ATP8B4: variants seen among roughly 807,000 people sequenced by gnomAD.
ATP8B4 encodes ATPase phospholipid transporting 8B4 (putative), also known as probable phospholipid-transporting ATPase IM.
Under a neutral mutation model 145.6 loss-of-function variants are expected in ATP8B4, and 133 were observed. The ratio of observed to expected loss-of-function variants is 0.91; its 90% CI spans 0.79 to 1.05. The LOEUF is 1.05. Ranked by LOEUF, ATP8B4 falls within the 50% of genes least tolerant of loss-of-function variation. The pLI, the probability that ATP8B4 is intolerant of heterozygous loss-of-function variation, is 0.00. For synonymous variants in ATP8B4, 507 were observed against 492.9 expected (o/e 1.03, Z -0.38); for missense variants, 1,458 against 1,425.2 (o/e 1.02, Z -0.37).
chr15:50,025,354 T>A (rs1352235505), intron 6 of ATP8B4, among the ~76,000 whole-genome samples: 2 of 152,206 alleles, frequency 1.3e-5, no homozygotes, highest in African/African-American at 4.8e-5. Context: ...CTGCAGGGTC[T>A]GGCCTCTGAT....
At chr15:50,093,386 TA>T (rs1323540388) in intron 2 of ATP8B4, among the ~76,000 whole-genome samples, 1 of 152,056 alleles carries the variant, frequency 6.6e-6, no homozygotes, top group African/African-American at 2.4e-5. Flanking sequence ...AATGATAGCA[TA>T]AAAATTTGAT....
intron 9 of ATP8B4, among the ~76,000 whole-genome samples, chr15:49,994,189 T>C (rs2047241531): frequency 6.6e-6 from 1 of 152,114 alleles, no homozygotes; most frequent in Non-Finnish European, 1.5e-5. Context: ...AGTAAAGACA[T>C]TTAAAAACTA....
chr15:49,960,178 C>T (rs572042521), intron 14 of ATP8B4, among the ~76,000 whole-genome samples: 4 of 152,208 alleles, frequency 2.6e-5, no homozygotes, highest in African/African-American at 9.6e-5. Flanking sequence ...TAGGCACCAC[C>T]ACCACGCTTG....
intron 9 of ATP8B4, among the ~76,000 whole-genome samples, chr15:49,995,000 T>C (rs945650100): frequency 6.6e-6 from 1 of 152,114 alleles, no homozygotes; most frequent in Non-Finnish European, 1.5e-5. Flanking sequence ...TGTGGCTCCA[T>C]GATGGAGAAG....
intron 14 of ATP8B4, among the ~76,000 whole-genome samples, chr15:49,958,750 T>C (rs2043807760): frequency 6.6e-6 from 1 of 151,892 alleles, no homozygotes. Context: ...TCTAAAAAAA[T>C]ATAATTTTCC....
chr15:50,070,751 T>C (rs2053675700), intron 3 of ATP8B4, among the ~76,000 whole-genome samples: 1 of 152,200 alleles, frequency 6.6e-6, no homozygotes, highest in Non-Finnish European at 1.5e-5. Context: ...TTGTTTTGTT[T>C]GTTTTTTGAC....
At chr15:50,175,840 A>G (rs2140878333) in intron 1 of ATP8B4, among the ~76,000 whole-genome samples, 1 of 152,294 alleles carries the variant, frequency 6.6e-6, no homozygotes, top group Admixed American at 6.5e-5. Flanking sequence ...CAGCAATCCC[A>G]CTGCTGGGTA....
intron 6 of ATP8B4, among the ~76,000 whole-genome samples, chr15:50,013,036 A>T (rs931071062): frequency 6.6e-6 from 1 of 152,330 alleles, no homozygotes; most frequent in South Asian, 2.1e-4. Context: ...TAAATAATCT[A>T]TATTTTGAAT....
At chr15:50,003,504 C>T (rs2048067956) in intron 7 of ATP8B4, among the ~76,000 whole-genome samples, 1 of 151,994 alleles carries the variant, frequency 6.6e-6, no homozygotes, top group African/African-American at 2.4e-5. Flanking sequence ...GAAAGTGATG[C>T]CGCTCTTGGG....
At chr15:50,026,783 T>C (rs1456199609) in intron 6 of ATP8B4, among the ~76,000 whole-genome samples, 1 of 151,954 alleles carries the variant, frequency 6.6e-6, no homozygotes, top group East Asian at 1.9e-4. Context: ...CCTTGTGGGG[T>C]AGAAAGACAA....
chr15:50,177,014 C>A (rs1178272908), intron 1 of ATP8B4, among the ~76,000 whole-genome samples: 1 of 152,142 alleles, frequency 6.6e-6, no homozygotes, highest in Non-Finnish European at 1.5e-5. Context: ...TATGCCTATA[C>A]TCAAATGGTA....
intron 1 of ATP8B4, among the ~76,000 whole-genome samples, chr15:50,173,412 T>C (rs2044716619): frequency 6.6e-6 from 1 of 152,022 alleles, no homozygotes; most frequent in South Asian, 2.1e-4. Flanking sequence ...CCGTGCTCTC[T>C]GAAACATGTG....
intron 2 of ATP8B4, among the ~76,000 whole-genome samples, chr15:50,098,377 G>C (rs1015967953): frequency 7.3e-6 from 1 of 136,570 alleles, no homozygotes; most frequent in Non-Finnish European, 1.5e-5. Flanking sequence ...CTGCAACCTT[G>C]ACCTCCTGGG....
intron 1 of ATP8B4, among the ~76,000 whole-genome samples, chr15:50,127,363 C>T (rs2057314390): frequency 6.6e-6 from 1 of 152,210 alleles, no homozygotes; most frequent in Non-Finnish European, 1.5e-5. Flanking sequence ...TTAACTGACC[C>T]ATGTTCAGTT....
At chr15:49,991,415 T>C (rs1310958667) in intron 9 of ATP8B4, among the ~76,000 whole-genome samples, 1 of 152,182 alleles carries the variant, frequency 6.6e-6, no homozygotes, top group Non-Finnish European at 1.5e-5. Flanking sequence ...CTTAAACACA[T>C]TTCGACAATT....
At chr15:50,067,751 G>C (rs1020777463) in intron 3 of ATP8B4, among the ~76,000 whole-genome samples, 2 of 152,076 alleles carry the variant, frequency 1.3e-5, no homozygotes, top group South Asian at 2.1e-4. Context: ...GGCACGTCCT[G>C]TAGCATGCAC....
At chr15:49,863,111 G>C (rs2032144826) in intron 26 of ATP8B4, among the ~76,000 whole-genome samples, 1 of 152,204 alleles carries the variant, frequency 6.6e-6, no homozygotes, top group Admixed American at 6.5e-5. Context: ...TGTCATAAAA[G>C]GGGAGCTTTA....
chr15:50,177,667 G>A (rs538350182), intron 1 of ATP8B4, among the ~76,000 whole-genome samples: 4 of 152,276 alleles, frequency 2.6e-5, no homozygotes, highest in South Asian at 2.1e-4. Flanking sequence ...GGGCTCTACC[G>A]AGTAGTTTGG....
intron 14 of ATP8B4, among the ~76,000 whole-genome samples, chr15:49,955,573 C>T (rs1376999171): frequency 6.6e-6 from 1 of 152,104 alleles, no homozygotes; most frequent in Non-Finnish European, 1.5e-5. Flanking sequence ...ATTTGCATTC[C>T]CATGTTCATT....
Sources: allele counts gnomAD v4.1 joint callset (sites outside exome capture counted in the v4.1 genomes callset), GRCh38; gene constraint gnomAD v4.1.1; transcripts MANE v1.5; gene names NCBI Gene and HGNC (gene_info 2026-07-23, HGNC 2026-07-21).